GPR39: variants seen among roughly 807,000 people sequenced by gnomAD.
GPR39 encodes G protein-coupled receptor 39, also known as zinc sensing receptor.
GPR39 carries 23 observed loss-of-function variants against 18.4 expected under a neutral mutation model. The ratio of observed to expected loss-of-function variants is 1.25; its 90% confidence interval spans 0.90 to 1.77. GPR39 has a LOEUF of 1.77. GPR39 is among the 40% of genes most tolerant of loss of function. The probability of loss-of-function intolerance (pLI) is 0.00; values close to 1 mark genes in which losing one functional copy is unlikely to be tolerated. For synonymous variants in GPR39, 280 were observed against 257.9 expected, an observed-to-expected ratio of 1.09 and a Z score of -0.82; for missense variants, 647 against 602.4, an observed-to-expected ratio of 1.07 and a Z score of -0.78.
At chr2:132,470,186 C>T (rs562625958) in intron 1 of GPR39, among the ~76,000 whole-genome samples, 1 of 152,278 alleles carries the variant, frequency 6.6e-6, no homozygotes, top group African/African-American at 2.4e-5. Context: ...TACCTTTGTG[C>T]CCCATAACAT....
In GPR39 at chr2:132,604,260, A is replaced by G. The variant is rs919352977; in HGVS notation, c.857-40841A>G. The stretch of plus-strand genomic sequence containing the variant: ...CAGCAGGCAACTCATATCTGGGCAC[A>G]TGATAGATGTCTATCCCCTTGCCAG... On this transcript the variant is annotated intron_variant, in intron 1 of 1. Coordinates refer to ENST00000329321, the MANE Select transcript of GPR39 (RefSeq NM_001508.3). Among the ~76,000 whole-genome samples, 4 of 152,204 alleles carry G rather than the reference A, an allele frequency of 2.6e-5. No individual in the cohort carries two copies. The East Asian group carries it at 7.7e-4, about 29-fold the overall frequency.
chr2:132,605,467 A>G (rs1442935762), intron 1 of GPR39, among the ~76,000 whole-genome samples: 1 of 152,084 alleles, frequency 6.6e-6, no homozygotes, highest in Non-Finnish European at 1.5e-5. Context: ...TGATGGCCCC[A>G]GAAGCATCCC....
chr2:132,607,148 G>A (rs1158317958), intron 1 of GPR39, among the ~76,000 whole-genome samples: 1 of 152,090 alleles, frequency 6.6e-6, no homozygotes, highest in East Asian at 1.9e-4. Context: ...AGGTAATTTG[G>A]GTGTCATTTG....
At chr2:132,504,590 T>G (rs1193561084) in intron 1 of GPR39, among the ~76,000 whole-genome samples, 1 of 152,200 alleles carries the variant, frequency 6.6e-6, no homozygotes, top group Non-Finnish European at 1.5e-5. Context: ...CTCTCCCAAC[T>G]GTCCCACAGA....
intron 1 of GPR39, among the ~76,000 whole-genome samples, chr2:132,437,374 A>G (rs1680344357): frequency 6.6e-6 from 1 of 152,196 alleles, no homozygotes; most frequent in Non-Finnish European, 1.5e-5. Context: ...GCACTACACC[A>G]TACTCCTTCA....
At chr2:132,518,708 A>G (rs553042522) in intron 1 of GPR39, among the ~76,000 whole-genome samples, 2 of 152,368 alleles carry the variant, frequency 1.3e-5, no homozygotes, top group South Asian at 2.1e-4. Flanking sequence ...CACATTTTAA[A>G]AAGTGAAAAA....
rs557841513 is a variant in GPR39, at chr2:132,454,272, GCTCT to G, written c.856+36377_856+36380del. On this transcript the variant is annotated intron_variant, in intron 1 of 1. Transcript: ENST00000329321. Reference sequence around the variant, plus strand: ...TGAATGGGAGTTCACTCATTATTTGGCTCTCTGTTTGTCTGTTAATGGTGTATAG... The same window carrying G: ...TGAATGGGAGTTCACTCATTATTTGGCTGTTTGTCTGTTAATGGTGTATAG... Among the ~76,000 whole-genome samples, 356 of 152,126 alleles carry G rather than the reference GCTCT, an allele frequency of 2.3e-3. 3 individuals are homozygous for G. The highest frequency in any genetic ancestry group is 8.0e-3 in the Admixed American group (122 of 15,280).
chr2:132,644,937 T>C (rs1681972894), intron 1 of GPR39, 164 bp from the exon 2 acceptor site: 1 of 727,134 alleles, frequency 1.4e-6, no homozygotes. Flanking sequence ...CTCTTGCTTG[T>C]GGCAAAAGAA....
At chr2:132,537,426 C>T (rs1679777284) in intron 1 of GPR39, among the ~76,000 whole-genome samples, 1 of 151,996 alleles carries the variant, frequency 6.6e-6, no homozygotes, top group Non-Finnish European at 1.5e-5. Context: ...AGGATTTCTG[C>T]TGAGAAATCC....
At chr2:132,532,627 C>T (rs183633110) in intron 1 of GPR39, among the ~76,000 whole-genome samples, 252 of 152,284 alleles carry the variant, frequency 1.7e-3, no homozygotes, top group African/African-American at 5.3e-3. Flanking sequence ...TCCAGCAGCA[C>T]GTCAAAAAGC....
intron 1 of GPR39, among the ~76,000 whole-genome samples, chr2:132,547,066 G>C (rs3115025): frequency 6.6e-6 from 1 of 151,780 alleles, no homozygotes; most frequent in Non-Finnish European, 1.5e-5. Context: ...CCAGCAAGCC[G>C]CACCGACAGA....
chr2:132,453,516 T>G lies in GPR39; in HGVS notation c.856+35618T>G, dbSNP rs367568113. On this transcript the variant is annotated intron_variant, in intron 1 of 1. Coordinates refer to ENST00000329321, the MANE Select transcript of GPR39 (RefSeq NM_001508.3). Reference sequence around the variant, plus strand: ...CCCATTTATCTATTTTGGCTTTTGTTGCCATTGCTTTTGGTGTTTTAGTCA... The same window carrying G: ...CCCATTTATCTATTTTGGCTTTTGTGGCCATTGCTTTTGGTGTTTTAGTCA... 4.2e-4 allele frequency among the ~76,000 whole-genome samples: 64 copies of G among 152,364 alleles called. 2 individuals are homozygous for G. The East Asian group carries it at 6.7e-3, about 16-fold the overall frequency.
intron 1 of GPR39, among the ~76,000 whole-genome samples, chr2:132,468,132 G>T (rs1282272232): frequency 6.6e-6 from 1 of 151,982 alleles, no homozygotes; most frequent in South Asian, 2.1e-4. Flanking sequence ...TAATATTTGT[G>T]CAGGTCCCAT....
At chr2:132,439,923 G>A (rs1028885126) in intron 1 of GPR39, among the ~76,000 whole-genome samples, 3 of 152,212 alleles carry the variant, frequency 2.0e-5, no homozygotes, top group Middle Eastern at 6.8e-3. Flanking sequence ...ACTTCCTATG[G>A]GGCTGCTCCA....
At chr2:132,643,317 G>A (rs975770611) in intron 1 of GPR39, among the ~76,000 whole-genome samples, 4 of 152,166 alleles carry the variant, frequency 2.6e-5, no homozygotes, top group African/African-American at 9.7e-5. Flanking sequence ...CAAAGTTTTA[G>A]GCTGGGAGTT....
At chr2:132,437,415 G>C (rs1680344949) in intron 1 of GPR39, among the ~76,000 whole-genome samples, 1 of 152,166 alleles carries the variant, frequency 6.6e-6, no homozygotes. Context: ...TTTGAGAAGA[G>C]ACATGCAGGG....
At chr2:132,501,688 C>T (rs751325767) in intron 1 of GPR39, among the ~76,000 whole-genome samples, 3 of 151,874 alleles carry the variant, frequency 2.0e-5, no homozygotes, top group Non-Finnish European at 4.4e-5. Flanking sequence ...AAGTCCCTTA[C>T]TGTTATTGTG....
In GPR39 at chr2:132,617,072, G is replaced by A. The variant is rs116572351; in HGVS notation, c.857-28029G>A. On this transcript the variant is annotated intron_variant, in intron 1 of 1. Transcript: ENST00000329321. ...CTCTTTCTCTATTTAATAGTGCAACGTAGCCTTGGGTCTTCCAGTGCACAC... is the reference window on the plus strand; with the variant it reads ...CTCTTTCTCTATTTAATAGTGCAACATAGCCTTGGGTCTTCCAGTGCACAC... Among the ~76,000 whole-genome samples the A allele has an allele frequency of 2.5e-3, 376 of 152,278 alleles. 1 individual carries two copies. The highest frequency in any genetic ancestry group is 4.0e-3 in the Non-Finnish European group (272 of 68,026).
chr2:132,592,238 G>A (rs967111267), intron 1 of GPR39, among the ~76,000 whole-genome samples: 4 of 152,300 alleles, frequency 2.6e-5, no homozygotes, highest in African/African-American at 9.6e-5. Context: ...AAACATGGGA[G>A]TGAAACTGTA....
Sources: allele counts gnomAD v4.1 joint callset (sites outside exome capture counted in the v4.1 genomes callset), GRCh38; gene constraint gnomAD v4.1.1; transcripts MANE v1.5; gene names NCBI Gene and HGNC (gene_info 2026-07-23, HGNC 2026-07-21).